HPCAL1: variants seen among roughly 807,000 people sequenced by gnomAD.
HPCAL1 encodes hippocalcin-like protein 1.
Under a neutral mutation model 17.1 loss-of-function variants are expected in HPCAL1, and 8 were observed. The observed-to-expected ratio is 0.47, with a 90% CI of 0.27 to 0.84. The LOEUF (loss-of-function observed/expected upper bound fraction) is 0.84. HPCAL1 is among the 40% of genes least tolerant of loss of function. The pLI, the probability that HPCAL1 is intolerant of heterozygous loss-of-function variation, is 0.13. For synonymous variants in HPCAL1, 112 were observed against 111.4 expected, an observed-to-expected ratio of 1.01 and a Z score of -0.03; for missense variants, 165 against 271.1, an observed-to-expected ratio of 0.61 and a Z score of 2.75.
intron 1 of HPCAL1, among the ~76,000 whole-genome samples, chr2:10,371,616 T>A (rs1255457638): frequency 6.6e-6 from 1 of 152,180 alleles, no homozygotes; most frequent in Non-Finnish European, 1.5e-5. Context: ...CAGTCAACAC[T>A]GTTGCCTTTG....
intron 1 of HPCAL1, among the ~76,000 whole-genome samples, chr2:10,353,098 G>A (rs943205111): frequency 1.3e-5 from 2 of 152,268 alleles, no homozygotes; most frequent in African/African-American, 2.4e-5. Flanking sequence ...CAGTCGTGCC[G>A]ATGCAGTTCT....
Position 10,363,385 on chromosome 2 carries a change from C to T in HPCAL1, c.-110-33450C>T, listed in dbSNP as rs955993365. 6.6e-6 allele frequency among the ~76,000 whole-genome samples: 1 copy of T among 152,100 alleles called. No individual in the cohort carries two copies. The highest frequency in any genetic ancestry group is 1.5e-5 in the Non-Finnish European group (1 of 68,024). On this transcript the variant is annotated intron_variant, in intron 1 of 4. Coordinates refer to ENST00000307845, the MANE Select transcript of HPCAL1 (RefSeq NM_002149.4). This position sits in a 1 kb window ranked among gnomAD's most constrained non-coding sequence, Gnocchi z 4.7. ...CTGGGCAGACGTTTACCGTCCAGCA[C>T]CCCCATTTCTGCTGCTCTGATAACT... is the stretch of plus-strand genomic sequence containing the variant.
intron 2 of HPCAL1, chr2:10,408,860 C>T (rs7603265): frequency 0.21 from 32,388 of 152,142 alleles, 3,651 homozygotes; most frequent in African/African-American, 0.27. Flanking sequence ...ATCCAGGGTC[C>T]CTGGTATCAC....
intron 1 of HPCAL1, among the ~76,000 whole-genome samples, chr2:10,317,017 C>T (rs968170596): frequency 1.4e-4 from 22 of 152,122 alleles, no homozygotes; most frequent in African/African-American, 2.9e-4. Flanking sequence ...GATTTAACAC[C>T]GAGGCAGGAA....
intron 1 of HPCAL1, among the ~76,000 whole-genome samples, chr2:10,396,021 C>T (rs557373530): frequency 9.2e-5 from 14 of 152,260 alleles, no homozygotes; most frequent in Middle Eastern, 3.4e-3. Context: ...GAGGCGGGCC[C>T]GTCCCGAGTT....
At chr2:10,327,592 A>G (rs1431915628) in intron 1 of HPCAL1, among the ~76,000 whole-genome samples, 1 of 152,230 alleles carries the variant, frequency 6.6e-6, no homozygotes, top group Non-Finnish European at 1.5e-5. Context: ...TATATATTCA[A>G]CTAACTGCAT....
intron 1 of HPCAL1, among the ~76,000 whole-genome samples, chr2:10,364,078 G>A (rs1052909694): frequency 1.3e-5 from 2 of 152,224 alleles, no homozygotes; most frequent in Non-Finnish European, 2.9e-5. Flanking sequence ...AGGGCCTCCA[G>A]GCCTCAGTTT....
intron 1 of HPCAL1, among the ~76,000 whole-genome samples, chr2:10,338,333 T>A (rs1369721315): frequency 1.3e-5 from 2 of 151,912 alleles, no homozygotes; most frequent in African/African-American, 2.4e-5. Context: ...ACAAAGCAAA[T>A]TGACAAATTA....
At position 10,362,872 on chromosome 2, in the gene HPCAL1, C is replaced by G. The variant is rs962430446; in HGVS notation, c.-110-33963C>G. Among the ~76,000 whole-genome samples, 16 of 152,298 alleles carry G rather than the reference C, an allele frequency of 1.1e-4. No homozygotes were observed. Among genetic ancestry groups the G allele is most frequent in the African/African-American group, 3.8e-4 (16 of 41,582 alleles). On this transcript the variant is annotated intron_variant, in intron 1 of 4. Transcript: ENST00000307845. The surrounding 1 kb of genome is among the most constrained non-coding windows in gnomAD (Gnocchi z 5.0). Reference sequence around the variant, plus strand: ...TTAGAGAGGGTGAGTTTGGACCATTCCTGAGCAGAGGGGGACCTCAGAGGA... The same window carrying G: ...TTAGAGAGGGTGAGTTTGGACCATTGCTGAGCAGAGGGGGACCTCAGAGGA...
intron 2 of HPCAL1, among the ~76,000 whole-genome samples, chr2:10,414,822 A>G (rs1342380244): frequency 1.3e-5 from 2 of 152,160 alleles, no homozygotes; most frequent in African/African-American, 4.8e-5. Context: ...GAATGAGGAC[A>G]AGCAGGTGCA....
At chr2:10,383,275 G>A (rs893892110) in intron 1 of HPCAL1, among the ~76,000 whole-genome samples, 21 of 152,150 alleles carry the variant, frequency 1.4e-4, no homozygotes, top group African/African-American at 3.9e-4. Context: ...AGGAGGCTGA[G>A]GTAGGAGGAT....
At chr2:10,352,252 C>T (rs1033366802) in intron 1 of HPCAL1, among the ~76,000 whole-genome samples, 1 of 152,048 alleles carries the variant, frequency 6.6e-6, no homozygotes, top group African/African-American at 2.4e-5. Flanking sequence ...ATCCATATAC[C>T]TCCCACTCAC....
chr2:10,331,652 C>T lies in HPCAL1; in HGVS notation c.-111+28475C>T, dbSNP rs1165213721. ...CCAGGGATGGGTGTGAGGCTGTCTGCCCCCCACTGCACGCCCGGCTGTCAG... is the reference window on the plus strand; with the variant it reads ...CCAGGGATGGGTGTGAGGCTGTCTGTCCCCCACTGCACGCCCGGCTGTCAG... On this transcript the variant is annotated intron_variant, in intron 1 of 4. Coordinates refer to ENST00000307845, the MANE Select transcript of HPCAL1 (RefSeq NM_002149.4). The surrounding 1 kb of genome is among the most constrained non-coding windows in gnomAD (Gnocchi z 5.0). 6.6e-6 allele frequency among the ~76,000 whole-genome samples: 1 copy of T among 152,172 alleles called. No homozygotes were observed. Among genetic ancestry groups the T allele is most frequent in the Non-Finnish European group, 1.5e-5 (1 of 68,030 alleles).
In HPCAL1 at chr2:10,364,204, G is replaced by T. The variant is rs577412382; in HGVS notation, c.-110-32631G>T. ...GGTCCTAGAGAGCACCCAGAGGCGGGTGTCTGCCTGGGGTCGAGTGTGGGA... is the reference window on the plus strand; with the variant it reads ...GGTCCTAGAGAGCACCCAGAGGCGGTTGTCTGCCTGGGGTCGAGTGTGGGA... On this transcript the variant is annotated intron_variant, in intron 1 of 4. Transcript: ENST00000307845. 4.6e-5 allele frequency among the ~76,000 whole-genome samples: 7 copies of T among 152,346 alleles called. No individual in the cohort carries two copies. The East Asian group carries it at 1.4e-3, about 29-fold the overall frequency.
intron 1 of HPCAL1, among the ~76,000 whole-genome samples, chr2:10,308,887 C>CA (rs986782241): frequency 6.6e-6 from 1 of 152,132 alleles, no homozygotes; most frequent in Non-Finnish European, 1.5e-5. Context: ...AAAACAAAAA[C>CA]AAACAAAACA....
At chr2:10,351,106 A>G (rs1308283052) in intron 1 of HPCAL1, among the ~76,000 whole-genome samples, 2 of 152,230 alleles carry the variant, frequency 1.3e-5, no homozygotes, top group East Asian at 1.9e-4. Context: ...TTACACATAA[A>G]TGTTTACAGC....
rs2125371358 is a variant in HPCAL1, at chr2:10,304,998, T to G, written c.-111+1821T>G. Among the ~76,000 whole-genome samples, 1 of 152,228 alleles carries G rather than the reference T, an allele frequency of 6.6e-6. No individual in the cohort carries two copies. Among genetic ancestry groups the G allele is most frequent in the South Asian group, 2.1e-4 (1 of 4,820 alleles). Reference sequence around the variant, plus strand: ...TTAGGAGCCAGGGATAGAAACCTGGTCCGGTTCCTTTGGTTTCCCTCGGCC... The same window carrying G: ...TTAGGAGCCAGGGATAGAAACCTGGGCCGGTTCCTTTGGTTTCCCTCGGCC... On this transcript the variant is annotated intron_variant, in intron 1 of 4. Transcript: ENST00000307845. This position sits in a 1 kb window ranked among gnomAD's most constrained non-coding sequence, Gnocchi z 4.1.
chr2:10,366,275 G>A (rs770767957), intron 1 of HPCAL1, among the ~76,000 whole-genome samples: 11 of 152,144 alleles, frequency 7.2e-5, no homozygotes, highest in South Asian at 4.2e-4. Flanking sequence ...TCGCTCTGTC[G>A]CCCAGGCTGG....
chr2:10,399,132 G>T (rs1006411030), intron 2 of HPCAL1, among the ~76,000 whole-genome samples: 1 of 151,268 alleles, frequency 6.6e-6, no homozygotes, highest in African/African-American at 2.4e-5. Context: ...GAGGGTAGAG[G>T]AGGTGGTCCG....
Sources: allele counts gnomAD v4.1 joint callset (sites outside exome capture counted in the v4.1 genomes callset), GRCh38; gene constraint gnomAD v4.1.1; non-coding constraint Gnocchi (gnomAD v3.1); transcripts MANE v1.5; gene names NCBI Gene and HGNC (gene_info 2026-07-23, HGNC 2026-07-21).